The following ELAPOR2 variants were observed in gnomAD, a reference collection of about 807,000 sequenced individuals.
ELAPOR2 encodes the protein endosome-lysosome associated apoptosis and autophagy regulator family member 2.
A neutral mutation model predicts 120.7 loss-of-function variants in ELAPOR2; 89 were observed. That is an observed-to-expected ratio of 0.74 (90% CI 0.62 to 0.88). ELAPOR2 has a LOEUF of 0.88. ELAPOR2 is among the 40% of genes least tolerant of loss of function. The pLI is 0.00. For synonymous variants in ELAPOR2, 444 were observed against 444.9 expected, an observed-to-expected ratio of 1.00 and a Z score of 0.03; for missense variants, 1,134 against 1,251.6, an observed-to-expected ratio of 0.91 and a Z score of 1.42.
At chr7:86,908,150 TACACACACACACACAC>T (rs144805388) in intron 17 of ELAPOR2, among the ~76,000 whole-genome samples, 13 of 144,266 alleles carry the variant, frequency 9.0e-5, no homozygotes, top group Non-Finnish European at 2.0e-4. Flanking sequence ...TGTAAGTGAA[TACACACACACACACAC>T]ACACACACAC....
At chr7:86,975,530 T>C (rs1276572094) in intron 1 of ELAPOR2, among the ~76,000 whole-genome samples, 3 of 152,204 alleles carry the variant, frequency 2.0e-5, no homozygotes, top group East Asian at 1.9e-4. Flanking sequence ...TTCTTCTTAA[T>C]CATAAACATT....
Position 86,931,250 on chromosome 7 carries a change from T to C in ELAPOR2, c.1090-4334A>G, listed in dbSNP as rs555611323. 2.6e-5 allele frequency among the ~76,000 whole-genome samples: 4 copies of C among 151,806 alleles called. No individual in the cohort carries two copies. In the South Asian group the frequency reaches 8.3e-4, roughly 31 times the overall value. On this transcript the variant is annotated intron_variant, in intron 8 of 21. Coordinates refer to ENST00000450689, the MANE Select transcript of ELAPOR2 (RefSeq NM_001142749.3). Reference sequence around the variant, plus strand: ...GTATACACATATATATACACACACATGCACATATGAAGAGAGTACGTTCAC... The same window carrying C: ...GTATACACATATATATACACACACACGCACATATGAAGAGAGTACGTTCAC...
intron 18 of ELAPOR2, among the ~76,000 whole-genome samples, chr7:86,906,235 G>T (rs558233932): frequency 2.0e-5 from 3 of 152,230 alleles, no homozygotes; most frequent in South Asian, 4.2e-4. Context: ...TTTATTGCTA[G>T]AATCTCTGAC....
At chr7:86,927,862 T>G (rs1279973620) in intron 8 of ELAPOR2, among the ~76,000 whole-genome samples, 1 of 152,066 alleles carries the variant, frequency 6.6e-6, no homozygotes, top group Admixed American at 6.6e-5. Context: ...ACATATAATC[T>G]GCTAAAAGTA....
intron 1 of ELAPOR2, among the ~76,000 whole-genome samples, chr7:86,973,533 C>T (rs539458611): frequency 4.7e-4 from 72 of 152,214 alleles, no homozygotes; most frequent in African/African-American, 1.7e-3. Flanking sequence ...GTGCCTCTTC[C>T]TCCTCAATAC....
intron 12 of ELAPOR2, among the ~76,000 whole-genome samples, chr7:86,917,846 CTA>C (rs1195413341): frequency 2.0e-5 from 3 of 152,058 alleles, no homozygotes; most frequent in African/African-American, 7.2e-5. Flanking sequence ...TGTGAAGTAA[CTA>C]TTTAATTGTA....
At chr7:86,966,566 G>A (rs1791913337) in intron 1 of ELAPOR2, among the ~76,000 whole-genome samples, 1 of 152,066 alleles carries the variant, frequency 6.6e-6, no homozygotes, top group South Asian at 2.1e-4. Context: ...CCATTATCCA[G>A]TTCTAAAGCC....
At chr7:86,941,952 A>G in intron 5 of ELAPOR2, 66 bp downstream of exon 5, 2 of 915,292 alleles carry the variant, frequency 2.2e-6, no homozygotes, top group Non-Finnish European at 3.5e-6. Context: ...GGGAAAGAAG[A>G]AAAGGTTGGG....
intron 6 of ELAPOR2, among the ~76,000 whole-genome samples, chr7:86,939,317 A>G (rs535509869): frequency 6.6e-6 from 1 of 151,926 alleles, no homozygotes; most frequent in South Asian, 2.1e-4. Flanking sequence ...TTTTTTTTCC[A>G]CTGCTTATTA....
chr7:86,905,321 T>TA (rs374202565), intron 18 of ELAPOR2, among the ~76,000 whole-genome samples: 39 of 146,872 alleles, frequency 2.7e-4, no homozygotes, highest in African/African-American at 4.7e-4. Flanking sequence ...ACCTCACTGC[T>TA]AAAAAAAAAC....
At chr7:86,907,518 T>G in intron 18 of ELAPOR2, 152 bp downstream of exon 18, 1 of 557,716 alleles carries the variant, frequency 1.8e-6, no homozygotes, top group East Asian at 3.3e-5. Flanking sequence ...TAATACACAC[T>G]CAGCACATTC....
chr7:86,926,791 A>G lies in ELAPOR2; in HGVS notation c.1215T>C (p.Asn405=). 1 of 1,612,064 alleles carries G rather than the reference A, an allele frequency of 6.2e-7. No homozygotes were observed. Among genetic ancestry groups the G allele is most frequent in the Non-Finnish European group, 8.5e-7 (1 of 1,178,824 alleles). ...GACAGGGATGGCAAGAAGATGATCCATTGTTATAAAATCCAGGGTTGCAAG... is the reference window on the plus strand; with the variant it reads ...GACAGGGATGGCAAGAAGATGATCCGTTGTTATAAAATCCAGGGTTGCAAG... ...CPPCNPGFYN[N]GSSSCHPCPP... is the part of the protein sequence containing the mutation. The change falls in exon 9 of 22, where the codon AAT becomes AAC. Residue 405 remains asparagine, a synonymous_variant. Coordinates refer to ENST00000450689, the MANE Select transcript of ELAPOR2 (RefSeq NM_001142749.3).
Position 86,940,123 on chromosome 7 carries a change from G to A in ELAPOR2, c.742-8C>T, listed in dbSNP as rs1294603148. The A allele has an allele frequency of 3.1e-6, 5 of 1,591,750 alleles. No individual in the cohort carries two copies. The highest frequency in any genetic ancestry group is 1.7e-5 in the Admixed American group (1 of 59,312). The stretch of plus-strand genomic sequence containing the variant: ...GCCTGATTTCAGCATTACCTATAAA[G>A]AGAAACATAAAGGCACTTAGGGCAG... On this transcript the variant is annotated splice_region_variant and splice_polypyrimidine_tract_variant and intron_variant, in intron 5 of 21. Coordinates refer to ENST00000450689, the MANE Select transcript of ELAPOR2 (RefSeq NM_001142749.3).
At position 87,040,578 on chromosome 7, in the gene ELAPOR2, A is replaced by G. The variant is rs1794750215; in HGVS notation, c.189+18747T>C. Among the ~76,000 whole-genome samples, 4 of 151,952 alleles carry G rather than the reference A, an allele frequency of 2.6e-5. No homozygotes were observed. The South Asian group carries it at 8.3e-4, about 31-fold the overall frequency. ...CCTGTCTGTTAGAAGGAAAACTAAC[A>G]AACAGAAAGGACATCCACACCAAAA... On this transcript the variant is annotated intron_variant, in intron 1 of 21. Coordinates refer to ENST00000450689, the MANE Select transcript of ELAPOR2 (RefSeq NM_001142749.3).
chr7:86,897,717 T>C, intron 18 of ELAPOR2, 85 bp from the exon 19 acceptor site: 1 of 1,476,876 alleles, frequency 6.8e-7, no homozygotes, highest in Non-Finnish European at 9.3e-7. Flanking sequence ...AGAATACCTA[T>C]CACATGCTGG....
At chr7:86,956,921 T>C (rs941529024) in intron 2 of ELAPOR2, among the ~76,000 whole-genome samples, 2 of 152,184 alleles carry the variant, frequency 1.3e-5, no homozygotes, top group African/African-American at 4.8e-5. Flanking sequence ...TCGATTCTTA[T>C]CATCCTAAAC....
chr7:86,908,185 ACG>A (rs1491175965), intron 17 of ELAPOR2, among the ~76,000 whole-genome samples: 1 of 147,990 alleles, frequency 6.8e-6, no homozygotes, highest in African/African-American at 2.5e-5. Context: ...ACACACACAC[ACG>A]AGAAATTATA....
intron 1 of ELAPOR2, among the ~76,000 whole-genome samples, chr7:87,025,862 GA>G (rs34427971): frequency 0.21 from 32,573 of 151,796 alleles, 3,718 homozygotes; most frequent in African/African-American, 0.27. Context: ...TTAATTCAAT[GA>G]AAAAAATTGT....
At chr7:86,983,964 T>C (rs996133422) in intron 1 of ELAPOR2, among the ~76,000 whole-genome samples, 6 of 152,068 alleles carry the variant, frequency 3.9e-5, no homozygotes, top group Non-Finnish European at 5.9e-5. Context: ...GAGACACACA[T>C]AGGCTCAAAA....
Sources: gnomAD v4.1 joint callset for allele counts (sites outside exome capture counted in the v4.1 genomes callset) on GRCh38, gnomAD v4.1.1 for gene constraint, MANE v1.5 for transcripts, NCBI Gene and HGNC (gene_info 2026-07-23, HGNC 2026-07-21) for gene names.